WDR5: variants seen among roughly 807,000 people sequenced by gnomAD.
WDR5 encodes the protein WD repeat domain 5.
For synonymous variants in WDR5, 144 were observed against 161.6 expected (o/e 0.89, Z 0.83); for missense variants, 187 against 416.9 (o/e 0.45, Z 4.80).
At chr9:134,138,152 A>G (rs35370793) in intron 1 of WDR5, among the ~76,000 whole-genome samples, 3,033 of 152,266 alleles carry the variant, frequency 0.02, 46 homozygotes, top group Middle Eastern at 0.031. Context: ...GAGGGGCTGG[A>G]CACCTTTTTT....
At chr9:134,155,664 T>C (rs745612475) in intron 11 of WDR5, 29 bp from the exon 12 acceptor site, 2 of 1,609,606 alleles carry the variant, frequency 1.2e-6, no homozygotes, top group Non-Finnish European at 1.7e-6. Context: ...ACCATGACTC[T>C]GTGACCAGCC....
chr9:134,146,684 G>A (rs969414089), intron 7 of WDR5, among the ~76,000 whole-genome samples: 1 of 152,248 alleles, frequency 6.6e-6, no homozygotes, highest in African/African-American at 2.4e-5. Context: ...ATGTGGTTAA[G>A]AAGCTGAACA....
chr9:134,137,678 C>CAAA (rs1462059947), intron 1 of WDR5, among the ~76,000 whole-genome samples: 3 of 140,664 alleles, frequency 2.1e-5, no homozygotes, highest in Non-Finnish European at 3.0e-5. Flanking sequence ...AAAAAAAAAA[C>CAAA]AAAAACAAAA....
rs1034016895 is a variant in WDR5, at chr9:134,141,708, T to C, written c.264+125T>C. On this transcript the variant is annotated intron_variant, in intron 4 of 13. Coordinates refer to ENST00000358625, the MANE Select transcript of WDR5 (RefSeq NM_017588.3). Reference sequence around the variant, plus strand: ...AGTTTTCCCCGTTTTTTAATTTTTTTATAGTTATTTGCATCTTGAACTTTT... The same window carrying C: ...AGTTTTCCCCGTTTTTTAATTTTTTCATAGTTATTTGCATCTTGAACTTTT... The C allele has an allele frequency of 8.3e-6, 9 of 1,079,264 alleles. No individual in the cohort carries two copies. In the African/African-American group the frequency reaches 1.5e-4, roughly 17 times the overall value. The allele number at this position is 1,079,264 out of a possible 1,614,324, so 66.9% of individuals were successfully genotyped here.
rs1831790024 is a variant in WDR5, at chr9:134,139,933, C to A, written c.56C>A (p.Pro19His). The change falls in exon 2 of 14, where the codon CCT becomes CAT. Residue 19 changes from proline to histidine, a missense_variant. Physicochemically the swap from Pro to His is moderately conservative, Grantham distance 77 (BLOSUM62 -2). Coordinates refer to ENST00000358625, the MANE Select transcript of WDR5 (RefSeq NM_017588.3). ...ETEAARAQPT[P>H]SSSATQSKPT... is the part of the protein sequence containing the mutation. ...GAGGCCGCCAGAGCACAGCCAACCC[C>A]TTCGTCATCCGCCACTCAGAGCAAG... is the stretch of plus-strand genomic sequence containing the variant. 6.2e-7 allele frequency: 1 copy of A among 1,613,552 alleles called. No homozygotes were observed. The highest frequency in any genetic ancestry group is 1.7e-5 in the Admixed American group (1 of 60,000).
intron 8 of WDR5, 129 bp from the exon 9 acceptor site, chr9:134,151,854 G>A (rs539869648): frequency 3.3e-6 from 3 of 896,680 alleles, no homozygotes; most frequent in African/African-American, 1.7e-5. Context: ...CTGTTAAACA[G>A]GTGAAGCATA....
intron 1 of WDR5, 57 bp from the exon 2 acceptor site, chr9:134,139,763 C>G (rs1185678700): frequency 6.1e-6 from 7 of 1,143,806 alleles, no homozygotes; most frequent in Admixed American, 2.4e-5. Flanking sequence ...TCTTGGAAAT[C>G]AATTTTTTAA....
chr9:134,143,901 C>T (rs1196077269), intron 7 of WDR5, among the ~76,000 whole-genome samples: 1 of 151,836 alleles, frequency 6.6e-6, no homozygotes, highest in Non-Finnish European at 1.5e-5. Flanking sequence ...CTCCATTTCA[C>T]AAAGTGGCCA....
intron 1 of WDR5, among the ~76,000 whole-genome samples, chr9:134,138,564 G>A (rs529172583): frequency 1.8e-4 from 28 of 152,266 alleles, no homozygotes; most frequent in Admixed American, 6.5e-4. Context: ...GCGCTACAGG[G>A]CCTGCCCCTC....
rs562509211 is a variant in WDR5 at position 134,142,130 on chromosome 9, A to G, written c.354+92A>G. 1.3e-5 allele frequency: 13 copies of G among 1,036,398 alleles called. No homozygotes were observed. The East Asian group carries it at 4.7e-4, about 37-fold the overall frequency. 64.2% of individuals were successfully genotyped at this position (1,036,398 alleles called of 1,614,324 possible). On this transcript the variant is annotated intron_variant, in intron 5 of 13. Coordinates refer to ENST00000358625, the MANE Select transcript of WDR5 (RefSeq NM_017588.3). ...CTGAGTTGACTGCTCAGTAAGCAAC[A>G]CTCAGCGCTCCTCTCCAGGGAAGAC...
chr9:134,138,064 T>C (rs1831670593), intron 1 of WDR5, among the ~76,000 whole-genome samples: 1 of 152,106 alleles, frequency 6.6e-6, no homozygotes, highest in Admixed American at 6.5e-5. Flanking sequence ...AAAGTCAAGT[T>C]AAGGTTGTTT....
chr9:134,148,168 A>G (rs1368484128), intron 7 of WDR5, 120 bp from the exon 8 acceptor site: 13 of 867,340 alleles, frequency 1.5e-5, no homozygotes, highest in Non-Finnish European at 2.1e-5. Flanking sequence ...ACAAACAAAC[A>G]AAAAAACATA....
intron 8 of WDR5, 70 bp downstream of exon 8, chr9:134,148,413 G>A (rs760995142): frequency 1.7e-5 from 23 of 1,360,630 alleles, no homozygotes; most frequent in Non-Finnish European, 2.1e-5. Flanking sequence ...CACTGTTCCT[G>A]CATCTGGGGG....
chr9:134,146,769 G>A lies in WDR5; in HGVS notation c.529-1519G>A, dbSNP rs562650831. 3.2e-4 allele frequency among the ~76,000 whole-genome samples: 49 copies of A among 152,358 alleles called. 1 individual carries two copies. Among genetic ancestry groups the A allele is most frequent in the African/African-American group, 1.2e-3 (48 of 41,594 alleles). ...TGTTACTGTTACATCCATCGTAATA[G>A]TCTCAATAAGAGACTGTTTTGCACA... On this transcript the variant is annotated intron_variant, in intron 7 of 13. Coordinates refer to ENST00000358625, the MANE Select transcript of WDR5 (RefSeq NM_017588.3).
Position 134,142,621 on chromosome 9 carries a change from C to CT in WDR5, c.445-14dup. 6.2e-7 allele frequency: 1 copy of CT among 1,614,026 alleles called. No homozygotes were observed. The highest frequency in any genetic ancestry group is 2.2e-5 in the East Asian group (1 of 44,874). Reference sequence around the variant, plus strand: ...CTCCTTCCTGTAAAATCACTGTCATCTCTTTTGTGTTCAGTTTGACGAAAG... The same window carrying CT: ...CTCCTTCCTGTAAAATCACTGTCATCTTCTTTTGTGTTCAGTTTGACGAAAG... On this transcript the variant is annotated splice_polypyrimidine_tract_variant and intron_variant, in intron 6 of 13. Coordinates refer to ENST00000358625, the MANE Select transcript of WDR5 (RefSeq NM_017588.3).
At chr9:134,135,926 G>C (rs545568641), upstream of WDR5, 3 of 152,268 alleles carry the variant, frequency 2.0e-5, no homozygotes, top group East Asian at 5.8e-4. Context: ...GCTTTTAAGC[G>C]GGAAGCGCGC....
chr9:134,142,190 G>T, intron 5 of WDR5, 143 bp from the exon 6 acceptor site: 1 of 851,722 alleles, frequency 1.2e-6, no homozygotes, highest in East Asian at 3.1e-5. Flanking sequence ...GTGGGTGGGG[G>T]AGGCCGAGTT....
At chr9:134,156,905 C>T (rs1039041386) in intron 13 of WDR5, among the ~76,000 whole-genome samples, 1 of 152,236 alleles carries the variant, frequency 6.6e-6, no homozygotes, top group Non-Finnish European at 1.5e-5. Context: ...ACGGCGAGCT[C>T]TGTTTCCTGG....
rs200477997 is a variant in WDR5 at position 134,139,948 on chromosome 9, C to T, written c.71C>T (p.Thr24Ile). 1.5e-5 allele frequency: 25 copies of T among 1,613,738 alleles called. No homozygotes were observed. The African/African-American group carries it at 2.8e-4, about 18-fold the overall frequency. The change falls in exon 2 of 14, where the codon ACT becomes ATT. Residue 24 changes from threonine to isoleucine, a missense_variant. By Grantham distance (89) the Thr-to-Ile change is moderately conservative. Coordinates refer to ENST00000358625, the MANE Select transcript of WDR5 (RefSeq NM_017588.3). ...RAQPTPSSSATQSKPTPVKPN... is the reference protein window; with the variant it reads ...RAQPTPSSSAIQSKPTPVKPN... ...CAGCCAACCCCTTCGTCATCCGCCA[C>T]TCAGAGCAAGGTGCGTGCCCAGGGG... is the stretch of plus-strand genomic sequence containing the variant.
Sources: allele counts gnomAD v4.1 joint callset (sites outside exome capture counted in the v4.1 genomes callset), GRCh38; gene constraint gnomAD v4.1.1; transcripts MANE v1.5; gene names NCBI Gene and HGNC (gene_info 2026-07-23, HGNC 2026-07-21).